LGR5: variants seen among roughly 807,000 people sequenced by gnomAD.
LGR5 encodes leucine rich repeat containing G protein-coupled receptor 5, also known as leucine-rich repeat-containing G protein-coupled receptor 5.
Under a neutral mutation model 76.7 loss-of-function variants are expected in LGR5, and 54 were observed. That is an observed-to-expected ratio of 0.70 (90% CI 0.57 to 0.88). LGR5 has a LOEUF of 0.88. LGR5 is among the 40% of genes least tolerant of loss of function. The probability of loss-of-function intolerance (pLI) is 0.00; values close to 1 mark genes in which losing one functional copy is unlikely to be tolerated. For synonymous variants in LGR5, 406 were observed against 421.9 expected, an observed-to-expected ratio of 0.96 and a Z score of 0.46; for missense variants, 1,078 against 1,073.3, an observed-to-expected ratio of 1.00 and a Z score of -0.06.
chr12:71,564,833 TACAC>T (rs199498019), intron 8 of LGR5, among the ~76,000 whole-genome samples: 3 of 149,720 alleles, frequency 2.0e-5, no homozygotes, highest in Non-Finnish European at 4.5e-5. Flanking sequence ...CACATATATG[TACAC>T]ACACACTGTG....
At chr12:71,572,823 T>A in intron 12 of LGR5, 27 bp from the exon 13 acceptor site, 2 of 1,588,764 alleles carry the variant, frequency 1.3e-6, no homozygotes, top group Non-Finnish European at 1.7e-6. Flanking sequence ...AACTTTGAAA[T>A]CAATCTTTGG....
At chr12:71,471,473 G>A (rs1399014272) in intron 1 of LGR5, among the ~76,000 whole-genome samples, 1 of 152,162 alleles carries the variant, frequency 6.6e-6, no homozygotes, top group East Asian at 1.9e-4. Flanking sequence ...GAGGATGTTG[G>A]ACTGGTTAGT....
At chr12:71,523,444 A>C (rs1875822781) in intron 2 of LGR5, among the ~76,000 whole-genome samples, 1 of 152,036 alleles carries the variant, frequency 6.6e-6, no homozygotes, top group Admixed American at 6.6e-5. Flanking sequence ...TGAGCCTAGG[A>C]GTTCAAGGCC....
chr12:71,463,117 A>G (rs1293489575), intron 1 of LGR5, among the ~76,000 whole-genome samples: 2 of 152,218 alleles, frequency 1.3e-5, no homozygotes, highest in African/African-American at 4.8e-5. Context: ...TAAATATTTG[A>G]GTGCATTTAT....
intron 4 of LGR5, among the ~76,000 whole-genome samples, chr12:71,549,377 A>T (rs1877363758): frequency 6.6e-6 from 1 of 152,200 alleles, no homozygotes; most frequent in South Asian, 2.1e-4. Context: ...GAGCCATTGT[A>T]TGGCATGGTG....
At chr12:71,525,920 T>C (rs1875979478) in intron 3 of LGR5, among the ~76,000 whole-genome samples, 1 of 151,768 alleles carries the variant, frequency 6.6e-6, no homozygotes, top group South Asian at 2.1e-4. Context: ...TTTTATATTT[T>C]ATATTAATAG....
intron 1 of LGR5, among the ~76,000 whole-genome samples, chr12:71,441,025 C>G (rs977595688): frequency 2.0e-5 from 3 of 152,156 alleles, no homozygotes; most frequent in Admixed American, 6.5e-5. Flanking sequence ...TCTCTTCCCC[C>G]GGGGAGGAAA....
intron 13 of LGR5, among the ~76,000 whole-genome samples, chr12:71,573,220 A>G (rs1592559511): frequency 6.6e-6 from 1 of 152,202 alleles, no homozygotes; most frequent in East Asian, 1.9e-4. Context: ...GACAAGAAAC[A>G]TTTTACATGC....
chr12:71,487,871 A>G (rs73340125), intron 1 of LGR5, among the ~76,000 whole-genome samples: 3,457 of 152,288 alleles, frequency 0.023, 133 homozygotes, highest in African/African-American at 0.079. Flanking sequence ...AAGGTTTTCT[A>G]TGCGTAAGGA....
intron 7 of LGR5, among the ~76,000 whole-genome samples, chr12:71,560,053 T>G (rs1006730896): frequency 3.9e-5 from 6 of 152,176 alleles, no homozygotes; most frequent in African/African-American, 9.7e-5. Context: ...TAGAAATAAA[T>G]GAATCAAACT....
At chr12:71,506,690 C>A (rs2137307871) in intron 2 of LGR5, among the ~76,000 whole-genome samples, 1 of 152,280 alleles carries the variant, frequency 6.6e-6, no homozygotes, top group South Asian at 2.1e-4. Context: ...GGAATTCTTT[C>A]TGCTAAGCTG....
chr12:71,456,822 T>C (rs1031899359), intron 1 of LGR5, among the ~76,000 whole-genome samples: 1 of 152,148 alleles, frequency 6.6e-6, no homozygotes, highest in Admixed American at 6.6e-5. Flanking sequence ...AAAATCAAAA[T>C]AGGCTTTTTG....
intron 8 of LGR5, among the ~76,000 whole-genome samples, chr12:71,563,418 A>G (rs2137434734): frequency 6.6e-6 from 1 of 152,188 alleles, no homozygotes; most frequent in Admixed American, 6.5e-5. Context: ...CGTTGGCAGC[A>G]CTCATCTTCC....
At chr12:71,556,738 T>A (rs1168630152) in intron 6 of LGR5, 48 bp downstream of exon 6, 5 of 1,404,130 alleles carry the variant, frequency 3.6e-6, no homozygotes, top group African/African-American at 1.4e-5. Context: ...TTTTCATGAA[T>A]ATTCTGAAGA....
intron 7 of LGR5, among the ~76,000 whole-genome samples, chr12:71,560,219 G>A (rs1192651096): frequency 6.6e-6 from 1 of 152,110 alleles, no homozygotes; most frequent in Non-Finnish European, 1.5e-5. Flanking sequence ...ATGTTGGCCA[G>A]AAGCCTTATC....
At chr12:71,522,092 G>C (rs1875753529) in intron 2 of LGR5, among the ~76,000 whole-genome samples, 1 of 152,136 alleles carries the variant, frequency 6.6e-6, no homozygotes, top group Non-Finnish European at 1.5e-5. Context: ...GGAATGTGGA[G>C]GGCATGTCTA....
chr12:71,505,882 C>T (rs1052498685), intron 2 of LGR5, among the ~76,000 whole-genome samples: 1 of 152,096 alleles, frequency 6.6e-6, no homozygotes, highest in Non-Finnish European at 1.5e-5. Context: ...CTCTAGGTCC[C>T]AGGCCTTTTT....
At chr12:71,534,170 G>A (rs78290559) in intron 3 of LGR5, among the ~76,000 whole-genome samples, 1 of 152,006 alleles carries the variant, frequency 6.6e-6, no homozygotes. Flanking sequence ...AATACTGGGA[G>A]AAAAAAAATG....
chr12:71,561,620 G>A (rs563087899), intron 7 of LGR5, among the ~76,000 whole-genome samples, 161 bp from the exon 8 acceptor site: 1 of 152,210 alleles, frequency 6.6e-6, no homozygotes, highest in Non-Finnish European at 1.5e-5. Context: ...ATCCTCTAGA[G>A]AGTAAATAAC....
Sources: gnomAD v4.1 joint callset for allele counts (sites outside exome capture counted in the v4.1 genomes callset) on GRCh38, gnomAD v4.1.1 for gene constraint, MANE v1.5 for transcripts, NCBI Gene and HGNC (gene_info 2026-07-23, HGNC 2026-07-21) for gene names.